The following CAPN8 variants were observed in gnomAD, a reference collection of about 807,000 sequenced individuals.
CAPN8 encodes the protein calpain 8, also known as calpain-8.
In CAPN8, 87 loss-of-function variants were observed where a neutral mutation model predicts 80.9. That is an observed-to-expected ratio of 1.07 (90% CI 0.90 to 1.28). The LOEUF (loss-of-function observed/expected upper bound fraction) is 1.28. CAPN8 is among the 50% of genes most tolerant of loss of function. The pLI is 0.00. For synonymous variants in CAPN8, 299 were observed against 273.8 expected (o/e 1.09, Z -0.91); for missense variants, 757 against 702.0 (o/e 1.08, Z -0.89).
chr1:223,629,887 T>A (rs548878949), intron 2 of CAPN8, among the ~76,000 whole-genome samples: 1 of 152,348 alleles, frequency 6.6e-6, no homozygotes, highest in South Asian at 2.1e-4. Flanking sequence ...TACCTGTGCA[T>A]CTTAGCCTTT....
At chr1:223,615,692 T>C in intron 10 of CAPN8, 5 of 542,720 alleles carry the variant, frequency 9.2e-6, no homozygotes, top group Non-Finnish European at 1.8e-5. Flanking sequence ...TGGAAAAGAG[T>C]CTAATGAACA....
chr1:223,627,214 G>A (rs1657614482), intron 4 of CAPN8, 57 bp from the exon 5 acceptor site: 6 of 1,526,938 alleles, frequency 3.9e-6, no homozygotes, highest in South Asian at 2.4e-5. Flanking sequence ...GAGACCCGGG[G>A]ATTGGGGACC....
chr1:223,633,394 TAA>T (rs71225286), intron 2 of CAPN8, among the ~76,000 whole-genome samples: 10 of 144,036 alleles, frequency 6.9e-5, no homozygotes, highest in Admixed American at 6.9e-5. Flanking sequence ...AATGCTCTCT[TAA>T]AAAAAAAAAA....
intron 15 of CAPN8, chr1:223,549,701 T>C (rs1020884807): frequency 5.0e-5 from 24 of 480,530 alleles, no homozygotes; most frequent in Middle Eastern, 3.7e-4. Context: ...GGAATAATCA[T>C]GATAGTAACA....
Position 223,557,428 on chromosome 1 carries a change from G to T in CAPN8, c.1572+703C>A, listed in dbSNP as rs921049295. Reference sequence around the variant, plus strand: ...GCTGGGCCTGTGCCCCCATGAAGGTGGTCCTGCCCCACCCAGGCCAGTGCC... The same window carrying T: ...GCTGGGCCTGTGCCCCCATGAAGGTTGTCCTGCCCCACCCAGGCCAGTGCC... On this transcript the variant is annotated intron_variant, in intron 13 of 20. Transcript: ENST00000366872. Among the ~76,000 whole-genome samples, 4 of 82,242 alleles carry T rather than the reference G, an allele frequency of 4.9e-5. 1 individual carries two copies. Among genetic ancestry groups the T allele is most frequent in the South Asian group, 8.6e-4 (2 of 2,316 alleles). The allele number at this position is 82,242 out of a possible 152,430, so 54.0% of individuals were successfully genotyped here.
chr1:223,649,846 T>G (rs1184678072), intron 2 of CAPN8, among the ~76,000 whole-genome samples: 1 of 152,182 alleles, frequency 6.6e-6, no homozygotes, highest in African/African-American at 2.4e-5. Flanking sequence ...TATTGATGTG[T>G]AAGACAGTCT....
At chr1:223,625,042 G>A (rs1201073596) in intron 6 of CAPN8, among the ~76,000 whole-genome samples, 5 of 152,128 alleles carry the variant, frequency 3.3e-5, no homozygotes, top group South Asian at 2.1e-4. Context: ...GCAGTGAGCC[G>A]AGATTGCATC....
rs1656465731 is a variant in CAPN8, at chr1:223,541,680, C to T, written c.*156G>A. The T allele has an allele frequency of 1.8e-5, 22 of 1,213,888 alleles. No individual in the cohort carries two copies. The South Asian group carries it at 2.9e-4, about 16-fold the overall frequency. 75.2% of individuals were successfully genotyped at this position (1,213,888 alleles called of 1,614,324 possible). On this transcript the variant is annotated 3_prime_UTR_variant, in exon 21 of 21. Coordinates refer to ENST00000366872, the MANE Select transcript of CAPN8 (RefSeq NM_001143962.2). Reference sequence around the variant, plus strand: ...GGGCCCACCGGGTCGGCTTACATAGCTCATAGCTCAGTGCTGCTGAAATAG... The same window carrying T: ...GGGCCCACCGGGTCGGCTTACATAGTTCATAGCTCAGTGCTGCTGAAATAG...
chr1:223,542,356 T>C (rs1295229448), intron 20 of CAPN8, among the ~76,000 whole-genome samples: 1 of 152,194 alleles, frequency 6.6e-6, no homozygotes, highest in Non-Finnish European at 1.5e-5. Flanking sequence ...CATTTTAGGT[T>C]CCACACTATT....
chr1:223,651,764 G>A (rs1050329507), intron 2 of CAPN8, among the ~76,000 whole-genome samples: 1 of 152,212 alleles, frequency 6.6e-6, no homozygotes, highest in Admixed American at 6.5e-5. Context: ...CACAGAGAAC[G>A]AAGTTCTTTA....
In CAPN8 at chr1:223,654,390, G is replaced by C; in HGVS notation, c.247C>G (p.Pro83Ala). 6.4e-7 allele frequency: 1 copy of C among 1,551,684 alleles called. No individual in the cohort carries two copies. The highest frequency in any genetic ancestry group is 8.7e-7 in the Non-Finnish European group (1 of 1,146,980). Reference sequence around the variant, plus strand: ...CCACCAACGATAAACTGAGGGCTGGGACACAACTCCTGAAAGTAATTTGGA... The same window carrying C: ...CCACCAACGATAAACTGAGGGCTGGCACACAACTCCTGAAAGTAATTTGGA... ...IIWKRPTELC[P>A]SPQFIVGGAT... The change falls in exon 2 of 21, where the codon CCC (proline) becomes GCC (alanine). Residue 83 changes from proline to alanine, a missense_variant. Transcript: ENST00000366872.
rs909641478 is a variant in CAPN8, at chr1:223,632,419, G to A, written c.308-3639C>T. On this transcript the variant is annotated intron_variant, in intron 2 of 20. Transcript: ENST00000366872. Reference sequence around the variant, plus strand: ...AGACAAGGTCTCGCTCTGTTGCCCAGATGAGTGCAGTAGTGCAACCATGGC... The same window carrying A: ...AGACAAGGTCTCGCTCTGTTGCCCAAATGAGTGCAGTAGTGCAACCATGGC... 7.9e-5 allele frequency among the ~76,000 whole-genome samples: 12 copies of A among 151,942 alleles called. No individual in the cohort carries two copies. In the East Asian group the frequency reaches 2.1e-3, roughly 27 times the overall value.
chr1:223,643,495 G>A (rs746770958), intron 2 of CAPN8, among the ~76,000 whole-genome samples: 11 of 152,208 alleles, frequency 7.2e-5, no homozygotes, highest in Non-Finnish European at 1.3e-4. Context: ...AGCAGAAAAC[G>A]AGATACTTTG....
chr1:223,655,330 C>T (rs900952433), intron 1 of CAPN8, among the ~76,000 whole-genome samples: 4 of 152,192 alleles, frequency 2.6e-5, no homozygotes, highest in African/African-American at 9.7e-5. Flanking sequence ...CTCCACTCAC[C>T]TATCTCAACT....
chr1:223,653,746 A>G (rs931287544), intron 2 of CAPN8, among the ~76,000 whole-genome samples: 2 of 152,202 alleles, frequency 1.3e-5, no homozygotes, highest in Non-Finnish European at 2.9e-5. Flanking sequence ...GGAGAGCCTC[A>G]GTTTCTGACA....
At chr1:223,543,448 C>A (rs1199256033) in intron 19 of CAPN8, among the ~76,000 whole-genome samples, 6 of 152,204 alleles carry the variant, frequency 3.9e-5, no homozygotes, top group Admixed American at 3.9e-4. Context: ...AGCTTTATAT[C>A]AGAAACGTGC....
In CAPN8 at chr1:223,541,728, A is replaced by G; in HGVS notation, c.*108T>C. 6.6e-7 allele frequency: 1 copy of G among 1,520,334 alleles called. No homozygotes were observed. 94.2% of individuals were successfully genotyped at this position (1,520,334 alleles called of 1,614,324 possible). ...TAGACCCAGGGCAAGAAAGGTATGA[A>G]CAACCAGTGAATGCCACTGGAGCAT... On this transcript the variant is annotated 3_prime_UTR_variant, in exon 21 of 21. Transcript: ENST00000366872.
Position 223,616,130 on chromosome 1 carries a change from T to C in CAPN8, c.1151A>G (p.Asn384Ser), listed in dbSNP as rs760866511. 7 of 1,551,480 alleles carry C rather than the reference T, an allele frequency of 4.5e-6. 1 individual carries two copies. The Middle Eastern group carries it at 1.0e-3, about 222-fold the overall frequency. The change falls in exon 10 of 21, where the codon AAT (asparagine) becomes AGT (serine). Residue 384 changes from asparagine to serine, a missense_variant. Transcript: ENST00000366872. ...CQNYPATYWT[N>S]PQFKIRLDEV... is the part of the protein sequence containing the mutation. ...ATCCAAACGGATTTTGAACTGGGGATTGGTCCAGTACGTGGCTGGAAGTCA... is the reference window on the plus strand; with the variant it reads ...ATCCAAACGGATTTTGAACTGGGGACTGGTCCAGTACGTGGCTGGAAGTCA...
chr1:223,618,032 T>C, intron 9 of CAPN8: 1 of 542,048 alleles, frequency 1.8e-6, no homozygotes, highest in Non-Finnish European at 3.3e-6. Context: ...CTAATGCTGC[T>C]TCCCTAGCAC....
Sources: allele counts gnomAD v4.1 joint callset (sites outside exome capture counted in the v4.1 genomes callset), GRCh38; gene constraint gnomAD v4.1.1; transcripts MANE v1.5; gene names NCBI Gene and HGNC (gene_info 2026-07-23, HGNC 2026-07-21).